The following PRKCA variants were observed in gnomAD, a reference collection of about 807,000 sequenced individuals.
PRKCA encodes protein kinase C alpha type.
A neutral mutation model predicts 87.0 loss-of-function variants in PRKCA; 27 were observed. The ratio of observed to expected loss-of-function variants is 0.31; its 90% CI spans 0.23 to 0.43. The LOEUF is 0.43. Ranked by LOEUF, PRKCA falls within the 20% of genes least tolerant of loss-of-function variation. The pLI, the probability that PRKCA is intolerant of heterozygous loss-of-function variation, is 1.00. For synonymous variants in PRKCA, 329 were observed against 311.1 expected (o/e 1.06, Z -0.61); for missense variants, 518 against 852.3 (o/e 0.61, Z 4.88).
chr17:66,314,913 GTGTA>G (rs1191752909), intron 2 of PRKCA, among the ~76,000 whole-genome samples: 1 of 149,060 alleles, frequency 6.7e-6, no homozygotes, highest in Non-Finnish European at 1.5e-5. Context: ...ATGTATGTAT[GTGTA>G]TATGTGTGTA....
chr17:66,493,409 A>C (rs1483027013), intron 2 of PRKCA, among the ~76,000 whole-genome samples: 1 of 151,752 alleles, frequency 6.6e-6, no homozygotes, highest in Non-Finnish European at 1.5e-5. Flanking sequence ...CTGCTCTGGA[A>C]ATCCTGCCAG....
chr17:66,687,410 G>T, intron 6 of PRKCA, 143 bp downstream of exon 6: 1 of 815,372 alleles, frequency 1.2e-6, no homozygotes, highest in Non-Finnish European at 1.8e-6. Flanking sequence ...TGCCATTAGG[G>T]AGGTAGCTAT....
At chr17:66,379,676 A>G (rs924972609) in intron 2 of PRKCA, among the ~76,000 whole-genome samples, 1 of 152,200 alleles carries the variant, frequency 6.6e-6, no homozygotes. Context: ...ATCATTCATG[A>G]AAGACTTAGC....
intron 2 of PRKCA, among the ~76,000 whole-genome samples, chr17:66,482,581 A>G (rs537083697): frequency 9.2e-5 from 14 of 152,322 alleles, no homozygotes; most frequent in African/African-American, 3.1e-4. Context: ...GTGGCTGTAT[A>G]TTATTTGTGT....
chr17:66,464,112 G>A (rs983150854), intron 2 of PRKCA, among the ~76,000 whole-genome samples: 1 of 152,136 alleles, frequency 6.6e-6, no homozygotes, highest in Middle Eastern at 3.2e-3. Flanking sequence ...AGGATGTCAT[G>A]TATTTGGAAT....
chr17:66,641,114 C>T (rs1276239577), intron 3 of PRKCA, among the ~76,000 whole-genome samples: 2 of 148,534 alleles, frequency 1.3e-5, no homozygotes, highest in African/African-American at 4.9e-5. Flanking sequence ...GCTGAGATCG[C>T]GCCACTGCAC....
intron 2 of PRKCA, among the ~76,000 whole-genome samples, chr17:66,338,198 C>T (rs1169006747): frequency 6.6e-6 from 1 of 152,036 alleles, no homozygotes; most frequent in Non-Finnish European, 1.5e-5. Context: ...GATTTTACAC[C>T]ATGCTTGAGG....
At chr17:66,329,549 C>T (rs1412313626) in intron 2 of PRKCA, among the ~76,000 whole-genome samples, 1 of 152,190 alleles carries the variant, frequency 6.6e-6, no homozygotes, top group Non-Finnish European at 1.5e-5. Context: ...ATAGTTTAGT[C>T]ATCTACGGAG....
intron 2 of PRKCA, among the ~76,000 whole-genome samples, chr17:66,318,115 A>G (rs1361665498): frequency 6.6e-6 from 1 of 152,198 alleles, no homozygotes; most frequent in African/African-American, 2.4e-5. Flanking sequence ...CTTTTTAGTG[A>G]ACTTAATTTT....
chr17:66,615,627 C>T (rs1189417572), intron 3 of PRKCA, among the ~76,000 whole-genome samples: 1 of 152,144 alleles, frequency 6.6e-6, no homozygotes, highest in African/African-American at 2.4e-5. Context: ...TCCAGGCCTG[C>T]GTGTGCCCTG....
chr17:66,542,682 G>A (rs1327429373), intron 3 of PRKCA, among the ~76,000 whole-genome samples: 1 of 152,140 alleles, frequency 6.6e-6, no homozygotes, highest in African/African-American at 2.4e-5. Context: ...GGATATGAAG[G>A]TTGGAAAGAC....
intron 3 of PRKCA, among the ~76,000 whole-genome samples, chr17:66,539,810 A>T (rs909952725): frequency 6.6e-6 from 1 of 152,214 alleles, no homozygotes; most frequent in Non-Finnish European, 1.5e-5. Context: ...TGAAGGGATG[A>T]GTTTCCTTGT....
intron 16 of PRKCA, among the ~76,000 whole-genome samples, chr17:66,791,886 T>C (rs1424169671): frequency 1.3e-5 from 2 of 152,258 alleles, no homozygotes; most frequent in Non-Finnish European, 2.9e-5. Flanking sequence ...GTGAAAAATG[T>C]ACTGTAGTTT....
intron 3 of PRKCA, among the ~76,000 whole-genome samples, chr17:66,534,739 C>T (rs971331837): frequency 6.6e-6 from 1 of 152,130 alleles, no homozygotes; most frequent in African/African-American, 2.4e-5. Flanking sequence ...GAGTAATAAA[C>T]TTGTAACATG....
chr17:66,451,713 G>A (rs1303592627), intron 2 of PRKCA, among the ~76,000 whole-genome samples: 2 of 152,242 alleles, frequency 1.3e-5, no homozygotes, highest in Non-Finnish European at 2.9e-5. Flanking sequence ...GAGAGATGGA[G>A]AGGAGGGGCC....
intron 2 of PRKCA, among the ~76,000 whole-genome samples, chr17:66,330,924 A>G (rs986735008): frequency 2.0e-5 from 3 of 152,142 alleles, no homozygotes; most frequent in Non-Finnish European, 4.4e-5. Context: ...TCTTGGATAT[A>G]TTATTTACTT....
intron 13 of PRKCA, among the ~76,000 whole-genome samples, chr17:66,756,847 G>C (rs545447230): frequency 6.6e-6 from 1 of 152,206 alleles, no homozygotes; most frequent in East Asian, 1.9e-4. Context: ...ATTTTTAGTA[G>C]AGACAGGGTT....
chr17:66,638,164 C>T (rs1401406807), intron 3 of PRKCA: 1 of 149,128 alleles, frequency 6.7e-6, no homozygotes, highest in African/African-American at 2.5e-5. Flanking sequence ...ATATATGTTG[C>T]AAATATAAAA....
chr17:66,436,397 T>G (rs1913396611), intron 2 of PRKCA, among the ~76,000 whole-genome samples: 1 of 152,134 alleles, frequency 6.6e-6, no homozygotes, highest in Non-Finnish European at 1.5e-5. Context: ...TTTCCCCATT[T>G]ATGAGGGTGA....
Sources: allele counts gnomAD v4.1 joint callset (sites outside exome capture counted in the v4.1 genomes callset), GRCh38; gene constraint gnomAD v4.1.1; transcripts MANE v1.5; gene names NCBI Gene and HGNC (gene_info 2026-07-23, HGNC 2026-07-21).